Variants in SLIT1 observed in about 807,000 individuals in gnomAD.
SLIT1 encodes the protein slit homolog 1 protein.
In SLIT1, 66 loss-of-function variants were observed where a neutral mutation model predicts 186.1. The observed-to-expected ratio is 0.35, with a 90% CI of 0.29 to 0.44. SLIT1 has a LOEUF of 0.44. Ranked by LOEUF, SLIT1 falls within the 20% of genes least tolerant of loss-of-function variation. SLIT1 has a pLI of 1.00. For missense variants in SLIT1, 1,638 were observed against 2,037.4 expected (o/e 0.80, Z 3.77); for synonymous variants, 761 against 833.8 (o/e 0.91, Z 1.50).
In SLIT1 at chr10:97,002,293, G is replaced by C. The variant is rs777857182; in HGVS notation, c.4231C>G (p.Leu1411Val). ...CQCQDGYSGALCNQAGALAEP... is the reference protein window; with the variant it reads ...CQCQDGYSGAVCNQAGALAEP... ...GCCAGGGCCCCGGCCTGGTTGCACAGTGCCCCCGAGTACCCATCCTGGCAC... is the reference window on the plus strand; with the variant it reads ...GCCAGGGCCCCGGCCTGGTTGCACACTGCCCCCGAGTACCCATCCTGGCAC... The change falls in exon 36 of 37, where the codon CTG (leucine) becomes GTG (valine). Residue 1411 changes from leucine (L) to valine (V), a missense_variant. By Grantham distance (32) the Leu-to-Val change is conservative. This residue lies in a region of SLIT1 where 220 missense variants were observed against 211.3 expected (regional missense o/e 1.04). Coordinates refer to ENST00000266058, the MANE Select transcript of SLIT1 (RefSeq NM_003061.3). The C allele has an allele frequency of 6.2e-7, 1 of 1,610,802 alleles. No homozygotes were observed. The highest frequency in any genetic ancestry group is 1.1e-5 in the South Asian group (1 of 90,584).
intron 4 of SLIT1, among the ~76,000 whole-genome samples, chr10:97,078,373 C>G (rs1224188542): frequency 1.3e-5 from 2 of 152,150 alleles, no homozygotes; most frequent in Admixed American, 1.3e-4. Context: ...CCCTCCACCA[C>G]CACCAGAGTT....
intron 4 of SLIT1, among the ~76,000 whole-genome samples, chr10:97,108,969 A>G (rs951015728): frequency 4.8e-5 from 7 of 145,020 alleles, no homozygotes; most frequent in African/African-American, 1.8e-4. Flanking sequence ...CCAGGGTCGG[A>G]GTGCAGCGAC....
At chr10:97,173,444 A>G (rs970466977) in intron 1 of SLIT1, among the ~76,000 whole-genome samples, 3 of 152,012 alleles carry the variant, frequency 2.0e-5, no homozygotes, top group African/African-American at 7.2e-5. Context: ...CTTGGGCCAA[A>G]TAACTCAGGT....
At chr10:97,132,241 A>G (rs1414294486) in intron 4 of SLIT1, among the ~76,000 whole-genome samples, 1 of 152,114 alleles carries the variant, frequency 6.6e-6, no homozygotes, top group Non-Finnish European at 1.5e-5. Flanking sequence ...TGGCCCCTGC[A>G]GGCTTCAGTC....
chr10:97,034,451 C>T lies in SLIT1; in HGVS notation c.2438+20G>A, dbSNP rs767278509. 5 of 1,606,824 alleles carry T rather than the reference C, an allele frequency of 3.1e-6. No homozygotes were observed. The South Asian group carries it at 3.3e-5, about 11-fold the overall frequency. ...AGCCATGGCCCCGGGGCCCCCCACC[C>T]CAGCCCTGCTGGGACTCACAGAGTG... On this transcript the variant is annotated intron_variant, in intron 23 of 36. Coordinates refer to ENST00000266058, the MANE Select transcript of SLIT1 (RefSeq NM_003061.3).
chr10:97,025,123 A>C (rs1848533533), intron 25 of SLIT1, among the ~76,000 whole-genome samples: 1 of 152,084 alleles, frequency 6.6e-6, no homozygotes, highest in Admixed American at 6.5e-5. Context: ...TACAAAAATT[A>C]GTTGGGCATG....
rs912201379 is a variant in SLIT1, at chr10:97,006,895, G to T, written c.3342-175C>A. Among the ~76,000 whole-genome samples the T allele has an allele frequency of 1.3e-5, 2 of 152,186 alleles. No homozygotes were observed. The highest frequency in any genetic ancestry group is 2.9e-5 in the Non-Finnish European group (2 of 68,042). ...GAGCTGAGAGCCAGAAGGATACCAG[G>T]ATACAAGTATGGTCCCTGGTCCAGC... On this transcript the variant is annotated intron_variant, in intron 31 of 36. Coordinates refer to ENST00000266058, the MANE Select transcript of SLIT1 (RefSeq NM_003061.3). The surrounding 1 kb of genome is among the most constrained non-coding windows in gnomAD (Gnocchi z 4.0).
chr10:97,100,776 C>A (rs1349080576), intron 4 of SLIT1, among the ~76,000 whole-genome samples: 1 of 152,206 alleles, frequency 6.6e-6, no homozygotes, highest in East Asian at 1.9e-4. Context: ...CAATACTGCT[C>A]CCCACCAAGG....
intron 9 of SLIT1, 111 bp from the exon 10 acceptor site, chr10:97,060,269 CTCCCT>C: frequency 1.2e-6 from 1 of 868,616 alleles, no homozygotes; most frequent in Non-Finnish European, 1.9e-6. Context: ...CTTGCCCCTG[CTCCCT>C]TCCCACTTCC....
At position 97,021,322 on chromosome 10, in the gene SLIT1, G is replaced by A. The variant is rs767775345; in HGVS notation, c.2674C>T (p.Arg892Cys). The change falls in exon 26 of 37, where the codon CGT becomes TGT. Residue 892 changes from arginine (R) to cysteine (C), a missense_variant. Arg to Cys is a radical substitution (Grantham distance 180). Transcript: ENST00000266058. This position sits in a 1 kb window ranked among gnomAD's most constrained non-coding sequence, Gnocchi z 4.5. ...TCCATGTCCTGGGGCCCAGCACAACGAGCAATGCCCGGTTCCTTGTAGCCA... is the reference window on the plus strand; with the variant it reads ...TCCATGTCCTGGGGCCCAGCACAACAAGCAATGCCCGGTTCCTTGTAGCCA... ...KTGYKEPGIA[R>C]CAGPQDMEGK... is the part of the protein sequence containing the mutation. The A allele has an allele frequency of 1.7e-5, 28 of 1,614,050 alleles. No homozygotes were observed. In the East Asian group the frequency reaches 3.8e-4, roughly 22 times the overall value.
intron 4 of SLIT1, among the ~76,000 whole-genome samples, chr10:97,123,412 G>A (rs1250223547): frequency 6.6e-6 from 1 of 152,188 alleles, no homozygotes; most frequent in East Asian, 1.9e-4. Flanking sequence ...TATGCATGGG[G>A]AGACTGGGCC....
chr10:97,011,515 C>G (rs1300616561), intron 30 of SLIT1, among the ~76,000 whole-genome samples: 1 of 152,146 alleles, frequency 6.6e-6, no homozygotes, highest in Non-Finnish European at 1.5e-5. Context: ...CCTGTTCTCC[C>G]AGGACCCACT....
intron 3 of SLIT1, among the ~76,000 whole-genome samples, chr10:97,163,008 C>T (rs1169754154): frequency 1.1e-4 from 16 of 152,194 alleles, no homozygotes; most frequent in African/African-American, 9.7e-5. Flanking sequence ...TGACAGGTTC[C>T]GTTGGCACGG....
At chr10:97,063,927 C>T (rs1221704312) in intron 7 of SLIT1, among the ~76,000 whole-genome samples, 2 of 152,150 alleles carry the variant, frequency 1.3e-5, no homozygotes, top group African/African-American at 4.8e-5. Context: ...CATTTTCAAA[C>T]ACAAAAACAA....
chr10:97,185,725 C>T lies in SLIT1; in HGVS notation c.-51G>A, dbSNP rs532904777. On this transcript the variant is annotated 5_prime_UTR_variant, in exon 1 of 37. The change abolishes an upstream ATG in the 5' untranslated region. Transcript: ENST00000266058. Reference sequence around the variant, plus strand: ...GAGCCAGACGGCAGCAGCCGCTGACCATCCCCGTCCGGGGCCGCCTCCAGG... The same window carrying T: ...GAGCCAGACGGCAGCAGCCGCTGACTATCCCCGTCCGGGGCCGCCTCCAGG... The T allele has an allele frequency of 2.6e-5, 37 of 1,404,938 alleles. No homozygotes were observed. The Admixed American group carries it at 5.8e-4, about 22-fold the overall frequency. 87.0% of individuals were successfully genotyped at this position (1,404,938 alleles called of 1,614,324 possible). A position where few individuals can be genotyped will look rare whatever the true frequency, so the allele number is the denominator to read the frequency against.
chr10:97,140,386 C>T (rs1328037398), intron 4 of SLIT1, among the ~76,000 whole-genome samples: 1 of 152,134 alleles, frequency 6.6e-6, no homozygotes, highest in Non-Finnish European at 1.5e-5. Flanking sequence ...ATATTTCCTC[C>T]CTCTCTCCTG....
At chr10:97,136,113 C>A (rs1331307153) in intron 4 of SLIT1, among the ~76,000 whole-genome samples, 1 of 152,168 alleles carries the variant, frequency 6.6e-6, no homozygotes, top group African/African-American at 2.4e-5. Context: ...ATTCTAAAGT[C>A]ACTATAAGTC....
In SLIT1 at chr10:97,002,351, G is replaced by C; in HGVS notation, c.4173C>G (p.Cys1391Trp). The C allele has an allele frequency of 6.2e-7, 1 of 1,606,896 alleles. No individual in the cohort carries two copies. The highest frequency in any genetic ancestry group is 8.5e-7 in the Non-Finnish European group (1 of 1,178,090). ...TGTAGGAAAGAGCGTCGAGGGGCAC[G>C]CATTGCCCATGGACACACCTGGAGG... ...CHGHKCVHGQ[C>W]VPLDALSYSC... The change falls in exon 36 of 37, where the codon TGC becomes TGG. Residue 1391 changes from cysteine (C) to tryptophan (W), a missense_variant. By Grantham distance (215) the Cys-to-Trp change is radical (BLOSUM62 -2). Transcript: ENST00000266058.
rs527883952 is a variant in SLIT1, at chr10:97,032,887, C to T, written c.2439-1210G>A. 1.6e-4 allele frequency among the ~76,000 whole-genome samples: 25 copies of T among 152,144 alleles called. 1 individual carries two copies. The highest frequency in any genetic ancestry group is 4.6e-4 in the African/African-American group (19 of 41,494). ...TGAAGCTCAAAATAATCATGCTGGGCGCAGAAGCCAAGCAAAAACGACTTT... is the reference window on the plus strand; with the variant it reads ...TGAAGCTCAAAATAATCATGCTGGGTGCAGAAGCCAAGCAAAAACGACTTT... On this transcript the variant is annotated intron_variant, in intron 23 of 36. Coordinates refer to ENST00000266058, the MANE Select transcript of SLIT1 (RefSeq NM_003061.3).
Sources: gnomAD v4.1 joint callset for allele counts (sites outside exome capture counted in the v4.1 genomes callset) on GRCh38, gnomAD v4.1.1 for gene constraint, gnomAD v4.1.1 regional missense constraint, Gnocchi (gnomAD v3.1) non-coding constraint, MANE v1.5 for transcripts, NCBI Gene and HGNC (gene_info 2026-07-23, HGNC 2026-07-21) for gene names.